QRFPR: variants seen among roughly 807,000 people sequenced by gnomAD.
The protein encoded by QRFPR is pyroglutamylated RFamide peptide receptor.
A neutral mutation model predicts 31.3 loss-of-function variants in QRFPR; 37 were observed. The observed-to-expected ratio is 1.18, with a 90% CI of 0.91 to 1.56. The LOEUF is 1.56. Ranked by LOEUF, QRFPR falls within the 40% of genes most tolerant of loss-of-function variation. The pLI, the probability that QRFPR is intolerant of heterozygous loss-of-function variation, is 0.00. For synonymous variants in QRFPR, 197 were observed against 192.0 expected, an observed-to-expected ratio of 1.03 and a Z score of -0.22; for missense variants, 542 against 532.5, an observed-to-expected ratio of 1.02 and a Z score of -0.18.
intron 1 of QRFPR, among the ~76,000 whole-genome samples, chr4:121,353,985 T>C (rs1725814952): frequency 6.6e-6 from 1 of 152,128 alleles, no homozygotes; most frequent in Non-Finnish European, 1.5e-5. Context: ...CTAGTATATG[T>C]TCTTGGTACC....
At chr4:121,371,892 A>G (rs747141871) in intron 1 of QRFPR, among the ~76,000 whole-genome samples, 4 of 152,184 alleles carry the variant, frequency 2.6e-5, no homozygotes, top group East Asian at 1.9e-4. Flanking sequence ...ATGAGCATCA[A>G]TGGATTCAGG....
chr4:121,357,483 T>C (rs1725893784), intron 1 of QRFPR, among the ~76,000 whole-genome samples: 1 of 152,170 alleles, frequency 6.6e-6, no homozygotes, highest in Admixed American at 6.6e-5. Context: ...ATCCAAACAG[T>C]AACTACCAGT....
intron 4 of QRFPR, among the ~76,000 whole-genome samples, chr4:121,332,167 C>CT (rs571771878): frequency 1.8e-4 from 28 of 151,792 alleles, no homozygotes; most frequent in South Asian, 6.3e-4. Context: ...CCATTTAAGG[C>CT]TTTTTTTTGC....
intron 1 of QRFPR, among the ~76,000 whole-genome samples, chr4:121,354,049 T>G (rs1249171485): frequency 6.6e-6 from 1 of 152,134 alleles, no homozygotes; most frequent in Non-Finnish European, 1.5e-5. Context: ...GGTTCTTTAT[T>G]CAGTTCAATT....
At chr4:121,379,890 T>C (rs1383746874) in intron 1 of QRFPR, among the ~76,000 whole-genome samples, 2 of 152,136 alleles carry the variant, frequency 1.3e-5, no homozygotes, top group African/African-American at 4.8e-5. Context: ...AATATTTTTA[T>C]CTCACTTTTA....
intron 1 of QRFPR, among the ~76,000 whole-genome samples, chr4:121,377,197 G>A (rs965868097): frequency 2.0e-5 from 3 of 152,250 alleles, no homozygotes; most frequent in Non-Finnish European, 2.9e-5. Context: ...CAGAAGGAGA[G>A]GTGGGGAAGC....
chr4:121,348,045 T>A (rs1324310115), intron 1 of QRFPR, among the ~76,000 whole-genome samples: 1 of 152,140 alleles, frequency 6.6e-6, no homozygotes, highest in Non-Finnish European at 1.5e-5. Flanking sequence ...TATTTCTTTT[T>A]TCTAGCTGGA....
intron 1 of QRFPR, among the ~76,000 whole-genome samples, chr4:121,359,643 G>GTA: frequency 6.6e-6 from 1 of 151,132 alleles, no homozygotes; most frequent in East Asian, 1.9e-4. Context: ...ATGTGTGTGT[G>GTA]TGTATATATA....
chr4:121,368,837 G>T (rs771144116), intron 1 of QRFPR, among the ~76,000 whole-genome samples: 1 of 150,890 alleles, frequency 6.6e-6, no homozygotes, highest in Non-Finnish European at 1.5e-5. Flanking sequence ...AGTGATTGAA[G>T]TTCTTACCTA....
At chr4:121,334,004 C>T (rs1393312680) in intron 3 of QRFPR, among the ~76,000 whole-genome samples, 3 of 152,126 alleles carry the variant, frequency 2.0e-5, no homozygotes, top group Non-Finnish European at 4.4e-5. Flanking sequence ...AAGTTCTGAC[C>T]TAGGTGTTAC....
chr4:121,341,878 C>T (rs1725549830), intron 1 of QRFPR, among the ~76,000 whole-genome samples: 1 of 152,130 alleles, frequency 6.6e-6, no homozygotes, highest in Non-Finnish European at 1.5e-5. Flanking sequence ...GCTTTTTCTG[C>T]TCCTTGGAAT....
intron 1 of QRFPR, among the ~76,000 whole-genome samples, chr4:121,341,363 T>C (rs1487543324): frequency 6.6e-6 from 1 of 152,182 alleles, no homozygotes; most frequent in Non-Finnish European, 1.5e-5. Context: ...AAGAGGATCA[T>C]AAACTCAGGG....
chr4:121,329,104 G>A lies in QRFPR; in HGVS notation c.*210C>T. Reference sequence around the variant, plus strand: ...TCAAGTGAAGCAGTGGGAATGAGAAGGAACACAGAAATCTGTTAAATGATT... The same window carrying A: ...TCAAGTGAAGCAGTGGGAATGAGAAAGAACACAGAAATCTGTTAAATGATT... On this transcript the variant is annotated 3_prime_UTR_variant, in exon 6 of 6. Transcript: ENST00000394427. 4.4e-6 allele frequency: 2 copies of A among 453,804 alleles called. No individual in the cohort carries two copies. Among genetic ancestry groups the A allele is most frequent in the South Asian group, 9.9e-5 (2 of 20,236 alleles). 28.1% of individuals were successfully genotyped at this position (453,804 alleles called of 1,614,324 possible). A position where few individuals can be genotyped will look rare whatever the true frequency, so the allele number is the denominator to read the frequency against.
At chr4:121,343,772 A>G (rs1207429429) in intron 1 of QRFPR, among the ~76,000 whole-genome samples, 2 of 152,196 alleles carry the variant, frequency 1.3e-5, no homozygotes, top group Non-Finnish European at 1.5e-5. Flanking sequence ...AAATACAACT[A>G]TCCAAACAAA....
In QRFPR at chr4:121,332,900, CATAA is replaced by C. The variant is rs1560732385; in HGVS notation, c.714_717del (p.Tyr239AsnfsTer4). 2 of 1,614,152 alleles carry C rather than the reference CATAA, an allele frequency of 1.2e-6. No homozygotes were observed. Among genetic ancestry groups the C allele is most frequent in the Non-Finnish European group, 1.7e-6 (2 of 1,179,998 alleles). Reference sequence around the variant, plus strand: ...CCAACTCTTTTCTTTATCCAAAGTTCATAACCAATTTTACTGTACAGAATAAGCA... The same window carrying C: ...CCAACTCTTTTCTTTATCCAAAGTTCCCAATTTTACTGTACAGAATAAGCA... On this transcript the variant is annotated frameshift_variant, in exon 4 of 6. Transcript: ENST00000394427. LOFTEE classifies it high-confidence loss of function.
intron 1 of QRFPR, among the ~76,000 whole-genome samples, chr4:121,341,847 C>A (rs1560735730): frequency 1.3e-5 from 2 of 152,112 alleles, no homozygotes; most frequent in Non-Finnish European, 2.9e-5. Flanking sequence ...CTTTCACAGC[C>A]CCGCTTCAGG....
chr4:121,369,575 G>A (rs1209973609), intron 1 of QRFPR: 14 of 1,611,066 alleles, frequency 8.7e-6, no homozygotes, highest in Non-Finnish European at 1.2e-5. Context: ...GTTGGCCTGG[G>A]CACGGATCAG....
chr4:121,365,540 TATTATATATAATATATAA>T (rs1726088108), intron 1 of QRFPR, among the ~76,000 whole-genome samples: 1 of 4,780 alleles, frequency 2.1e-4, no homozygotes, highest in Non-Finnish European at 2.9e-4. Context: ...ATATAATATA[TATTATATATAATATATAA>T]TATATATTAT....
chr4:121,369,591 T>C (rs995228893), intron 1 of QRFPR: 282 of 1,611,386 alleles, frequency 1.8e-4, no homozygotes, highest in Admixed American at 2.7e-4. Flanking sequence ...ATCAGTTCCA[T>C]TGGAGAGGGC....
Sources: allele counts gnomAD v4.1 joint callset (sites outside exome capture counted in the v4.1 genomes callset), GRCh38; gene constraint gnomAD v4.1.1; transcripts MANE v1.5; gene names NCBI Gene and HGNC (gene_info 2026-07-23, HGNC 2026-07-21).